TAB2: variants seen among roughly 807,000 people sequenced by gnomAD.
TAB2 encodes the protein TGF-beta activated kinase 1 (MAP3K7) binding protein 2, also known as TGF-beta-activated kinase 1 and MAP3K7-binding protein 2.
A neutral mutation model predicts 65.0 loss-of-function variants in TAB2; 3 were observed. The observed-to-expected ratio is 0.05, with a 90% CI of 0.02 to 0.12. The LOEUF (loss-of-function observed/expected upper bound fraction) is 0.12, where lower values mean the gene tolerates loss of function less well. Ranked by LOEUF, TAB2 falls within the 10% of genes least tolerant of loss-of-function variation. TAB2 has a pLI of 1.00. For missense variants in TAB2, 623 were observed against 840.3 expected (o/e 0.74, Z 3.20); for synonymous variants, 298 against 285.1 (o/e 1.05, Z -0.46).
chr6:149,333,686 ATTC>A (rs1043748995), intron 1 of TAB2, among the ~76,000 whole-genome samples: 6 of 150,276 alleles, frequency 4.0e-5, no homozygotes, highest in Admixed American at 3.3e-4. Context: ...AAAACCATAT[ATTC>A]TTTTATTTCC....
At chr6:149,322,712 G>A (rs567561689) in intron 1 of TAB2, among the ~76,000 whole-genome samples, 1 of 152,206 alleles carries the variant, frequency 6.6e-6, no homozygotes, top group South Asian at 2.1e-4. Flanking sequence ...ATTTTAACAA[G>A]GAAATAACAG....
chr6:149,315,641 A>G (rs989419574), upstream of TAB2, among the ~76,000 whole-genome samples: 2 of 152,158 alleles, frequency 1.3e-5, no homozygotes, highest in Non-Finnish European at 2.9e-5. Flanking sequence ...AGGGTCACAT[A>G]TTGCATTTCG....
chr6:149,232,003 C>T (rs1474776959), intron 1 of TAB2, among the ~76,000 whole-genome samples: 1 of 152,088 alleles, frequency 6.6e-6, no homozygotes, highest in Non-Finnish European at 1.5e-5. Context: ...GGAAAACATG[C>T]TTAACAGGAA....
intron 1 of TAB2, among the ~76,000 whole-genome samples, chr6:149,281,196 A>T (rs1192337334): frequency 6.6e-6 from 1 of 152,138 alleles, no homozygotes; most frequent in Non-Finnish European, 1.5e-5. Flanking sequence ...AAAATATTTG[A>T]AGAGTCATGT....
intron 1 of TAB2, among the ~76,000 whole-genome samples, chr6:149,306,557 C>T (rs1421313535): frequency 9.2e-6 from 1 of 108,610 alleles, no homozygotes; most frequent in Admixed American, 1.0e-4. Flanking sequence ...GACTCCGTCT[C>T]AAAAAAAAAA....
chr6:149,314,222 CT>C (rs1479513236), upstream of TAB2, among the ~76,000 whole-genome samples: 1 of 152,210 alleles, frequency 6.6e-6, no homozygotes, highest in East Asian at 1.9e-4. Flanking sequence ...TATTACAGTG[CT>C]ATCTGGTCTT....
intron 1 of TAB2, among the ~76,000 whole-genome samples, chr6:149,295,457 A>T (rs553991160): frequency 6.6e-6 from 1 of 152,108 alleles, no homozygotes. Context: ...TATCTCTTCA[A>T]ATACTACCTT....
intron 1 of TAB2, among the ~76,000 whole-genome samples, chr6:149,265,302 G>A (rs1778239161): frequency 6.6e-6 from 1 of 151,588 alleles, no homozygotes; most frequent in Non-Finnish European, 1.5e-5. Flanking sequence ...TTCTGTTTTA[G>A]AATGTTCTTG....
intron 1 of TAB2, among the ~76,000 whole-genome samples, chr6:149,297,946 T>C (rs971528457): frequency 6.6e-6 from 1 of 152,228 alleles, no homozygotes; most frequent in Non-Finnish European, 1.5e-5. Context: ...GGTTCCCTAT[T>C]TGCTAAAAAA....
intron 2 of TAB2, among the ~76,000 whole-genome samples, chr6:149,373,790 A>ATTG (rs1781309310): frequency 6.6e-6 from 1 of 152,208 alleles, no homozygotes; most frequent in Non-Finnish European, 1.5e-5. Context: ...ACACTTCAAG[A>ATTG]GAGTCTTCTA....
At chr6:149,388,981 A>G (rs1247323498) in intron 3 of TAB2, among the ~76,000 whole-genome samples, 1 of 132,458 alleles carries the variant, frequency 7.5e-6, no homozygotes, top group African/African-American at 2.9e-5. Flanking sequence ...TTTGAGATCG[A>G]GTCTTGCTCT....
At chr6:149,362,926 A>C (rs1379719393) in intron 1 of TAB2, among the ~76,000 whole-genome samples, 1 of 152,114 alleles carries the variant, frequency 6.6e-6, no homozygotes, top group Non-Finnish European at 1.5e-5. Flanking sequence ...CATTTTCCCT[A>C]GTGTTAGAAT....
At chr6:149,374,662 A>G (rs1781342553) in intron 2 of TAB2, among the ~76,000 whole-genome samples, 1 of 152,262 alleles carries the variant, frequency 6.6e-6, no homozygotes, top group South Asian at 2.1e-4. Flanking sequence ...AGTTGGTTTT[A>G]AAATCACAAA....
intron 6 of TAB2, among the ~76,000 whole-genome samples, chr6:149,401,756 A>G (rs961999786): frequency 2.6e-5 from 4 of 152,158 alleles, no homozygotes; most frequent in African/African-American, 9.7e-5. Flanking sequence ...GAAGATAGAA[A>G]TCATTCCACG....
chr6:149,240,718 G>A (rs1427100045), intron 1 of TAB2, among the ~76,000 whole-genome samples: 1 of 152,170 alleles, frequency 6.6e-6, no homozygotes, highest in African/African-American at 2.4e-5. Flanking sequence ...TAAGTGTAAT[G>A]TCTGTCCAAT....
At chr6:149,314,448 A>G (rs1161494025), upstream of TAB2, among the ~76,000 whole-genome samples, 4 of 152,142 alleles carry the variant, frequency 2.6e-5, no homozygotes, top group Non-Finnish European at 4.4e-5. Context: ...AAGTGCTCTC[A>G]CAGATATCGG....
At chr6:149,299,728 T>C (rs1778938039) in intron 1 of TAB2, among the ~76,000 whole-genome samples, 1 of 152,178 alleles carries the variant, frequency 6.6e-6, no homozygotes, top group Non-Finnish European at 1.5e-5. Context: ...AAGTTTTTAC[T>C]ACACCAGGGG....
intron 1 of TAB2, among the ~76,000 whole-genome samples, chr6:149,350,398 T>C (rs1780451007): frequency 6.6e-6 from 1 of 152,160 alleles, no homozygotes; most frequent in African/African-American, 2.4e-5. Flanking sequence ...CTTCCTAGAA[T>C]TCTGTCCAAT....
chr6:149,380,746 A>G (rs1781580156), intron 3 of TAB2, among the ~76,000 whole-genome samples: 1 of 152,230 alleles, frequency 6.6e-6, no homozygotes, highest in Admixed American at 6.5e-5. Flanking sequence ...AAAATACTAT[A>G]ACATCACCCT....
Sources: gnomAD v4.1 joint callset for allele counts (sites outside exome capture counted in the v4.1 genomes callset) on GRCh38, gnomAD v4.1.1 for gene constraint, MANE v1.5 for transcripts, NCBI Gene and HGNC (gene_info 2026-07-23, HGNC 2026-07-21) for gene names.